The following AGFG1 variants were observed in gnomAD, a reference collection of about 807,000 sequenced individuals.
AGFG1 encodes ArfGAP with FG repeats 1.
A neutral mutation model predicts 60.6 loss-of-function variants in AGFG1; 10 were observed. The ratio of observed to expected loss-of-function variants is 0.16; its 90% CI spans 0.10 to 0.28. The LOEUF is 0.28. Among genes scored for constraint, AGFG1 ranks in the 10% least tolerant of loss-of-function variants. AGFG1 has a pLI of 1.00. For synonymous variants in AGFG1, 247 were observed against 242.9 expected, an observed-to-expected ratio of 1.02 and a Z score of -0.16; for missense variants, 537 against 676.5, an observed-to-expected ratio of 0.79 and a Z score of 2.29.
chr2:227,536,826 A>G, intron 9 of AGFG1, 75 bp from the exon 10 acceptor site: 1 of 1,537,598 alleles, frequency 6.5e-7, no homozygotes, highest in Non-Finnish European at 8.9e-7. Context: ...TGTCTTGATA[A>G]ATATAGTGAA....
intron 9 of AGFG1, 23 bp from the exon 10 acceptor site, chr2:227,536,878 G>A (rs1299706471): frequency 6.3e-7 from 1 of 1,597,998 alleles, no homozygotes; most frequent in East Asian, 2.2e-5. Context: ...GGATTTTATA[G>A]TGTATTTTAT....
intron 5 of AGFG1, among the ~76,000 whole-genome samples, chr2:227,527,802 C>G (rs1054265616): frequency 4.6e-5 from 7 of 152,112 alleles, no homozygotes; most frequent in African/African-American, 1.7e-4. Context: ...CTAAAGCTTA[C>G]TCTTTTATTT....
intron 1 of AGFG1, 138 bp downstream of exon 1, chr2:227,472,726 C>T (rs1575052527): frequency 2.0e-6 from 2 of 1,011,220 alleles, no homozygotes; most frequent in Admixed American, 4.5e-5. Context: ...TGGGCGCCGG[C>T]TGGCGGGCGC....
In AGFG1 at chr2:227,554,811, C is replaced by G. The variant is rs1208499346; in HGVS notation, c.*316C>G. 5.1e-6 allele frequency: 1 copy of G among 196,100 alleles called. No homozygotes were observed. Among genetic ancestry groups the G allele is most frequent in the Non-Finnish European group, 1.0e-5 (1 of 96,410 alleles). 12.1% of individuals were successfully genotyped at this position (196,100 alleles called of 1,614,324 possible). On this transcript the variant is annotated 3_prime_UTR_variant, in exon 13 of 13. Coordinates refer to ENST00000310078, the MANE Select transcript of AGFG1 (RefSeq NM_004504.5). ...TTTTCTTAGAAATTAGCTATTTGTG[C>G]ATATCAGTATTTGTAACTTTAACAC...
intron 1 of AGFG1, among the ~76,000 whole-genome samples, chr2:227,488,607 G>T (rs897948740): frequency 1.3e-5 from 2 of 152,208 alleles, no homozygotes; most frequent in Non-Finnish European, 2.9e-5. Flanking sequence ...GAGAAGGAAG[G>T]AGTAGAGGCA....
intron 1 of AGFG1, among the ~76,000 whole-genome samples, chr2:227,486,424 A>G (rs1173940448): frequency 3.3e-5 from 5 of 152,168 alleles, no homozygotes; most frequent in Non-Finnish European, 7.3e-5. Context: ...TTAAATATGT[A>G]AAGTGCCAGT....
At chr2:227,553,573 A>G in intron 11 of AGFG1, 131 bp from the exon 12 acceptor site, 2 of 691,424 alleles carry the variant, frequency 2.9e-6, no homozygotes, top group Non-Finnish European at 4.9e-6. Context: ...CTTGAGGCCT[A>G]ACAACTTAAC....
At chr2:227,547,702 A>G (rs945984774) in intron 10 of AGFG1, among the ~76,000 whole-genome samples, 1 of 152,244 alleles carries the variant, frequency 6.6e-6, no homozygotes, top group African/African-American at 2.4e-5. Flanking sequence ...TGAACAATGT[A>G]AGGAGGTAGA....
chr2:227,536,681 C>T lies in AGFG1; in HGVS notation c.1262C>T (p.Ser421Leu), dbSNP rs776912454. The T allele has an allele frequency of 1.9e-6, 3 of 1,613,788 alleles. No homozygotes were observed. The South Asian group carries it at 3.3e-5, about 18-fold the overall frequency. ...VASAQTQPAS[S>L]SVPAPFGATP... is the part of the protein sequence containing the mutation. ...TCTGCACAGACACAGCCTGCTTCAT[C>T]AAGTGTGCCTGCTCCATTTGGAGGT... The change falls in exon 9 of 13, where the codon TCA becomes TTA. Residue 421 changes from serine to leucine, a missense_variant. This residue lies in a region of AGFG1 where 287 missense variants were observed against 343.6 expected (regional missense o/e 0.84). Transcript: ENST00000310078.
chr2:227,507,985 G>C (rs1206590057), intron 2 of AGFG1, among the ~76,000 whole-genome samples: 2 of 150,408 alleles, frequency 1.3e-5, no homozygotes, highest in Non-Finnish European at 1.5e-5. Context: ...ACCTAGAAGA[G>C]CTTTGCCTGA....
chr2:227,486,143 C>G (rs2106162493), intron 1 of AGFG1, among the ~76,000 whole-genome samples: 1 of 152,332 alleles, frequency 6.6e-6, no homozygotes, highest in East Asian at 1.9e-4. Flanking sequence ...GTTGAGCTCT[C>G]TCATCTCGCC....
intron 1 of AGFG1, among the ~76,000 whole-genome samples, chr2:227,480,851 A>G (rs562327778): frequency 6.6e-6 from 1 of 152,294 alleles, no homozygotes; most frequent in South Asian, 2.1e-4. Flanking sequence ...CCTTCTTTTT[A>G]AAAATTAGTT....
intron 2 of AGFG1, among the ~76,000 whole-genome samples, chr2:227,502,466 G>GC (rs1434438480): frequency 2.0e-5 from 3 of 151,962 alleles, no homozygotes. Context: ...GACCACAAGC[G>GC]CACACCACCA....
At position 227,557,280 on chromosome 2, in the gene AGFG1, A is replaced by T. The variant is rs987881466; in HGVS notation, c.*2785A>T. On this transcript the variant is annotated 3_prime_UTR_variant, in exon 13 of 13. Coordinates refer to ENST00000310078, the MANE Select transcript of AGFG1 (RefSeq NM_004504.5). ...CATTTTTTGAAATAGAGAATATTTT[A>T]TTATTTTTGTGAAAATAGAGTTTTG... The T allele has an allele frequency of 1.3e-5, 2 of 152,180 alleles. No individual in the cohort carries two copies. Among genetic ancestry groups the T allele is most frequent in the Non-Finnish European group, 2.9e-5 (2 of 68,020 alleles). 9.4% of individuals were successfully genotyped at this position (152,180 alleles called of 1,614,324 possible). A position where few individuals can be genotyped will look rare whatever the true frequency, so the allele number is the denominator to read the frequency against.
In AGFG1 at chr2:227,559,643, T is replaced by G. The variant is rs1373575431; in HGVS notation, c.*5148T>G. The G allele has an allele frequency of 6.6e-6, 1 of 152,178 alleles. No homozygotes were observed. The highest frequency in any genetic ancestry group is 1.9e-4 in the East Asian group (1 of 5,200). The allele number at this position is 152,178 out of a possible 1,614,324, so 9.4% of individuals were successfully genotyped here. A position where few individuals can be genotyped will look rare whatever the true frequency, so the allele number is the denominator to read the frequency against. On this transcript the variant is annotated 3_prime_UTR_variant, in exon 13 of 13. Coordinates refer to ENST00000310078, the MANE Select transcript of AGFG1 (RefSeq NM_004504.5). Reference sequence around the variant, plus strand: ...ATTAAAATGCCCATAGATTAATTTTTTAATCGGTTCTCTGAAATCTTGAGA... The same window carrying G: ...ATTAAAATGCCCATAGATTAATTTTGTAATCGGTTCTCTGAAATCTTGAGA...
intron 10 of AGFG1, among the ~76,000 whole-genome samples, chr2:227,544,936 T>C (rs1692600279): frequency 6.6e-6 from 1 of 152,180 alleles, no homozygotes; most frequent in Non-Finnish European, 1.5e-5. Flanking sequence ...ATTATGTATC[T>C]TGGCGTTGCT....
intron 1 of AGFG1, among the ~76,000 whole-genome samples, chr2:227,478,993 C>T (rs999104676): frequency 6.6e-6 from 1 of 152,136 alleles, no homozygotes. Context: ...AAGTACTGTA[C>T]CAACTATATT....
intron 3 of AGFG1, among the ~76,000 whole-genome samples, chr2:227,520,819 G>A (rs1691801609): frequency 6.6e-6 from 1 of 152,090 alleles, no homozygotes; most frequent in Admixed American, 6.5e-5. Flanking sequence ...TTCATCTTGG[G>A]AGGTTAACAA....
At chr2:227,548,471 A>G (rs1692717870) in intron 10 of AGFG1, among the ~76,000 whole-genome samples, 1 of 152,222 alleles carries the variant, frequency 6.6e-6, no homozygotes, top group Non-Finnish European at 1.5e-5. Flanking sequence ...ACTGTTGGCT[A>G]AAAGTCAGTT....
Sources: allele counts gnomAD v4.1 joint callset (sites outside exome capture counted in the v4.1 genomes callset), GRCh38; gene constraint gnomAD v4.1.1; regional missense constraint gnomAD v4.1.1; transcripts MANE v1.5; gene names NCBI Gene and HGNC (gene_info 2026-07-23, HGNC 2026-07-21).